ITGA8: variants seen among roughly 807,000 people sequenced by gnomAD.
ITGA8 encodes the protein integrin alpha-8.
ITGA8 carries 91 observed loss-of-function variants against 142.3 expected under a neutral mutation model. The ratio of observed to expected loss-of-function variants is 0.64; its 90% CI spans 0.54 to 0.76. The LOEUF is 0.76. Among genes scored for constraint, ITGA8 ranks in the 30% least tolerant of loss-of-function variants. The probability of loss-of-function intolerance (pLI) is 0.00; values close to 1 mark genes in which losing one functional copy is unlikely to be tolerated. For synonymous variants in ITGA8, 505 were observed against 485.2 expected (o/e 1.04, Z -0.54); for missense variants, 1,406 against 1,327.7 (o/e 1.06, Z -0.92).
At chr10:15,600,177 T>C (rs776843696) in intron 20 of ITGA8, among the ~76,000 whole-genome samples, 6 of 152,190 alleles carry the variant, frequency 3.9e-5, no homozygotes, top group Non-Finnish European at 7.3e-5. Flanking sequence ...TTGTTACATA[T>C]GTATACATGC....
intron 25 of ITGA8, among the ~76,000 whole-genome samples, chr10:15,569,753 A>G (rs565226131): frequency 6.6e-6 from 1 of 152,270 alleles, no homozygotes; most frequent in African/African-American, 2.4e-5. Context: ...TTTCATGCTA[A>G]TTTGAATTTA....
In ITGA8 at chr10:15,514,542, A is replaced by G. The variant is rs1233063053; in HGVS notation, c.*2616T>C. The G allele has an allele frequency of 6.6e-6, 1 of 152,218 alleles. No homozygotes were observed. Among genetic ancestry groups the G allele is most frequent in the African/African-American group, 2.4e-5 (1 of 41,426 alleles). 9.4% of individuals were successfully genotyped at this position (152,218 alleles called of 1,614,324 possible). A position where few individuals can be genotyped will look rare whatever the true frequency, so the allele number is the denominator to read the frequency against. On this transcript the variant is annotated 3_prime_UTR_variant, in exon 30 of 30. Transcript: ENST00000378076. The stretch of plus-strand genomic sequence containing the variant: ...CTCAGCCTCCTAGGTAGCTGGGATT[A>G]CAGGAGACTGCCACCACGCCCAGCT...
intron 2 of ITGA8, among the ~76,000 whole-genome samples, chr10:15,705,304 A>C (rs541674016): frequency 6.6e-6 from 1 of 152,276 alleles, no homozygotes; most frequent in Non-Finnish European, 1.5e-5. Context: ...TGACCTCCTC[A>C]ACCTCAGATG....
intron 13 of ITGA8, among the ~76,000 whole-genome samples, chr10:15,638,058 G>GA (rs1362821276): frequency 6.6e-6 from 1 of 152,080 alleles, no homozygotes; most frequent in East Asian, 1.9e-4. Flanking sequence ...TAGTATAATT[G>GA]AAAAAACATT....
At chr10:15,697,434 C>T (rs555363548) in intron 2 of ITGA8, among the ~76,000 whole-genome samples, 213 of 152,308 alleles carry the variant, frequency 1.4e-3, no homozygotes, top group African/African-American at 5.0e-3. Flanking sequence ...CCCTCCTCCC[C>T]GTCCAGAGGT....
Position 15,551,737 on chromosome 10 carries a change from C to T in ITGA8, c.2767-3169G>A, listed in dbSNP as rs150640938. On this transcript the variant is annotated intron_variant, in intron 26 of 29. Transcript: ENST00000378076. Reference sequence around the variant, plus strand: ...ATTCAGTAAGTTGTTTTTAACTAAACAAAAAACGTAGGAGGTCTTATTTCG... The same window carrying T: ...ATTCAGTAAGTTGTTTTTAACTAAATAAAAAACGTAGGAGGTCTTATTTCG... Among the ~76,000 whole-genome samples, 1,423 of 152,096 alleles carry T rather than the reference C, an allele frequency of 9.4e-3. 18 individuals carry two copies. The highest frequency in any genetic ancestry group is 0.031 in the African/African-American group (1,296 of 41,520).
At chr10:15,539,714 A>T (rs1833530405) in intron 27 of ITGA8, among the ~76,000 whole-genome samples, 1 of 152,098 alleles carries the variant, frequency 6.6e-6, no homozygotes, top group Admixed American at 6.6e-5. Context: ...ATATTTTGTT[A>T]CCTGTATGCA....
At chr10:15,540,767 G>T (rs1385724276) in intron 27 of ITGA8, among the ~76,000 whole-genome samples, 1 of 152,144 alleles carries the variant, frequency 6.6e-6, no homozygotes, top group South Asian at 2.1e-4. Context: ...TTGTTTTCTG[G>T]TCACAACCCT....
At chr10:15,657,509 CATTTTT>C (rs890009816) in intron 10 of ITGA8, among the ~76,000 whole-genome samples, 8 of 116,526 alleles carry the variant, frequency 6.9e-5, no homozygotes, top group East Asian at 4.8e-4. Flanking sequence ...TCTTTTCTTT[CATTTTT>C]TTTTTTTTTT....
At position 15,516,447 on chromosome 10, in the gene ITGA8, A is replaced by G. The variant is rs1192147572; in HGVS notation, c.*711T>C. The G allele has an allele frequency of 6.6e-6, 1 of 152,248 alleles. No homozygotes were observed. The highest frequency in any genetic ancestry group is 6.5e-5 in the Admixed American group (1 of 15,276). The allele number at this position is 152,248 out of a possible 1,614,324, so 9.4% of individuals were successfully genotyped here. ...CTGAAGAAGCTCTGCTAAATGAGTT[A>G]TCTGCACACAGTGGTTCTTAGGAGG... On this transcript the variant is annotated 3_prime_UTR_variant, in exon 30 of 30. Transcript: ENST00000378076.
intron 25 of ITGA8, among the ~76,000 whole-genome samples, chr10:15,566,516 A>G (rs887862725): frequency 3.3e-5 from 5 of 152,060 alleles, no homozygotes; most frequent in African/African-American, 1.2e-4. Context: ...TTGCCAATTA[A>G]AGAAAAATCC....
intron 16 of ITGA8, 108 bp from the exon 17 acceptor site, chr10:15,607,939 A>T: frequency 1.1e-6 from 1 of 942,286 alleles, no homozygotes; most frequent in South Asian, 1.5e-5. Context: ...GTTCTTTTTC[A>T]TAGTTGAGAC....
chr10:15,580,741 TA>T (rs1382781228), intron 23 of ITGA8, among the ~76,000 whole-genome samples: 1 of 152,216 alleles, frequency 6.6e-6, no homozygotes, highest in African/African-American at 2.4e-5. Context: ...ACATTCATGT[TA>T]AAAATTCTTA....
chr10:15,534,881 C>T (rs957793475), intron 27 of ITGA8, among the ~76,000 whole-genome samples: 19 of 152,206 alleles, frequency 1.2e-4, no homozygotes, highest in African/African-American at 4.6e-4. Context: ...CTTGAGGAGC[C>T]CTTCAGCCCG....
At chr10:15,673,526 A>G (rs941332061) in intron 6 of ITGA8, among the ~76,000 whole-genome samples, 1 of 151,824 alleles carries the variant, frequency 6.6e-6, no homozygotes, top group African/African-American at 2.4e-5. Flanking sequence ...TGCTAATAGG[A>G]TATCAGGCAT....
At chr10:15,578,019 T>C (rs557038551) in intron 23 of ITGA8, among the ~76,000 whole-genome samples, 38 of 152,114 alleles carry the variant, frequency 2.5e-4, no homozygotes, top group Non-Finnish European at 4.6e-4. Flanking sequence ...CTTGGAGAGA[T>C]TCCATGTACC....
rs186039870 is a variant in ITGA8, at chr10:15,634,892, G to C, written c.1399+9138C>G. Among the ~76,000 whole-genome samples, 645 of 151,924 alleles carry C rather than the reference G, an allele frequency of 4.2e-3. 3 individuals are homozygous for C. Among genetic ancestry groups the C allele is most frequent in the African/African-American group, 0.015 (608 of 41,432 alleles). ...TTATCATGAGGGGGAGCTGGGGGAA[G>C]AGTTTATAAGGGTCTACTATTTTTT... On this transcript the variant is annotated intron_variant, in intron 13 of 29. Transcript: ENST00000378076.
chr10:15,716,668 G>GTTTTT (rs1490777383), intron 2 of ITGA8, among the ~76,000 whole-genome samples: 1 of 90,280 alleles, frequency 1.1e-5, no homozygotes, highest in African/African-American at 4.5e-5. Context: ...ATAACCTATT[G>GTTTTT]TATTTTTTTT....
rs12218757 is a variant in ITGA8 at position 15,715,876 on chromosome 10, A to G, written c.343+2890T>C. ...TATCTGAGGGTATAAGGACAAAGCAATTGGCACAGATGAGGTATAGAGGGT... is the reference window on the plus strand; with the variant it reads ...TATCTGAGGGTATAAGGACAAAGCAGTTGGCACAGATGAGGTATAGAGGGT... On this transcript the variant is annotated intron_variant, in intron 2 of 29. Transcript: ENST00000378076. Among the ~76,000 whole-genome samples, 9 of 152,340 alleles carry G rather than the reference A, an allele frequency of 5.9e-5. No homozygotes were observed. In the East Asian group the frequency reaches 1.5e-3, roughly 26 times the overall value.
Sources: allele counts gnomAD v4.1 joint callset (sites outside exome capture counted in the v4.1 genomes callset), GRCh38; gene constraint gnomAD v4.1.1; transcripts MANE v1.5; gene names NCBI Gene and HGNC (gene_info 2026-07-23, HGNC 2026-07-21).